MAGED1: variants seen among roughly 807,000 people sequenced by gnomAD.
MAGED1 encodes the protein MAGE family member D1, also known as melanoma-associated antigen D1.
In MAGED1, 3 loss-of-function variants were observed where a neutral mutation model predicts 54.1. That is an observed-to-expected ratio of 0.06 (90% CI 0.03 to 0.14). The LOEUF (loss-of-function observed/expected upper bound fraction) is 0.14, where lower values mean the gene tolerates loss of function less well. MAGED1 is among the 10% of genes least tolerant of loss of function. MAGED1 has a pLI of 1.00. For synonymous variants in MAGED1, 217 were observed against 227.3 expected, an observed-to-expected ratio of 0.95 and a Z score of 0.41; for missense variants, 485 against 623.4, an observed-to-expected ratio of 0.78 and a Z score of 2.36.
intron 1 of MAGED1, among the ~76,000 whole-genome samples, chrX:51,841,275 T>C (rs1557358529): frequency 9.0e-6 from 1 of 111,006 alleles, no homozygotes; most frequent in African/African-American, 3.3e-5. Context: ...CACTTTTTGA[T>C]GGGGTTGTTT....
At chrX:51,848,926 G>T (rs1926783761) in intron 1 of MAGED1, among the ~76,000 whole-genome samples, 1 of 102,238 alleles carries the variant, frequency 9.8e-6, no homozygotes, top group Non-Finnish European at 2.0e-5. Context: ...TGCTTCCAGT[G>T]GGATTAAGAT....
At chrX:51,889,485 G>A (rs1557363124), upstream of MAGED1, among the ~76,000 whole-genome samples, 2 of 107,789 alleles carry the variant, frequency 1.9e-5, no homozygotes, top group South Asian at 4.3e-4. Context: ...AAAATTATCC[G>A]GGCGTGGTGG....
At chrX:51,841,823 G>T (rs969552756) in intron 1 of MAGED1, among the ~76,000 whole-genome samples, 2 of 112,150 alleles carry the variant, frequency 1.8e-5, no homozygotes, top group Admixed American at 1.9e-4. Flanking sequence ...GTACCGTGCT[G>T]TTTTGGTTAC....
At chrX:51,857,936 A>G (rs1557360344) in intron 1 of MAGED1, 2 of 112,688 alleles carry the variant, frequency 1.8e-5, no homozygotes, top group Admixed American at 1.9e-4. Flanking sequence ...AAGGCCTTCA[A>G]TCTGAAGTTT....
intron 10 of MAGED1, chrX:51,899,567 C>T (rs1557364686): frequency 1.8e-5 from 2 of 111,190 alleles, no homozygotes. Context: ...CTCAGCCTCC[C>T]GAGTAACTGG....
At chrX:51,804,032 A>G (rs1924950158) in intron 1 of MAGED1, among the ~76,000 whole-genome samples, 2 of 112,092 alleles carry the variant, frequency 1.8e-5, no homozygotes, top group African/African-American at 6.5e-5. Flanking sequence ...TCTGATAGCA[A>G]CATTAAACAG....
At position 51,833,830 on chromosome X, in the gene MAGED1, C is replaced by T. The variant is rs181049896; in HGVS notation, c.-37+30713C>T. 1.6e-4 allele frequency among the ~76,000 whole-genome samples: 18 copies of T among 111,863 alleles called. No homozygotes were observed. The East Asian group carries it at 4.8e-3, about 30-fold the overall frequency. ...GAACACTTTTGCATTTATTGCCTAA[C>T]TCAATACATTTAGAAAATCGCAATG... On this transcript the variant is annotated intron_variant, in intron 1 of 12. Transcript: ENST00000375772.
intron 1 of MAGED1, among the ~76,000 whole-genome samples, chrX:51,872,400 C>T (rs1477329675): frequency 8.9e-6 from 1 of 111,858 alleles, no homozygotes; most frequent in African/African-American, 3.3e-5. Context: ...ATTATCTATG[C>T]CAGGCTTTCC....
At chrX:51,805,992 T>TTTA (rs1925017759) in intron 1 of MAGED1, among the ~76,000 whole-genome samples, 2 of 55,868 alleles carry the variant, frequency 3.6e-5, no homozygotes, top group African/African-American at 6.4e-5. Context: ...TTTTTTTTTT[T>TTTA]TGATGGAGTC....
intron 1 of MAGED1, among the ~76,000 whole-genome samples, chrX:51,886,363 C>CAT (rs1455783305): frequency 1.5e-4 from 17 of 110,988 alleles, no homozygotes; most frequent in African/African-American, 5.3e-4. Flanking sequence ...TATACAAGAT[C>CAT]ATACCCTGAT....
intron 11 of MAGED1, among the ~76,000 whole-genome samples, chrX:51,901,048 C>A (rs1928999294): frequency 8.9e-6 from 1 of 112,386 alleles, no homozygotes; most frequent in Admixed American, 9.4e-5. Flanking sequence ...GTTAACTCTC[C>A]ATAGCCTCAT....
At chrX:51,887,050 T>A (rs1240984441) in intron 1 of MAGED1, among the ~76,000 whole-genome samples, 1 of 99,024 alleles carries the variant, frequency 1.0e-5, no homozygotes, top group African/African-American at 3.8e-5. Context: ...AACAAGGCCC[T>A]GTCTCAAAAC....
Position 51,902,253 on chromosome X carries a change from T to C in MAGED1, c.*116T>C. 1 of 200,657 alleles carries C rather than the reference T, an allele frequency of 5.0e-6. No homozygotes were observed. Among genetic ancestry groups the C allele is most frequent in the Non-Finnish European group, 9.1e-6 (1 of 109,540 alleles). The allele number at this position is 200,657 out of a possible 1,213,427, so 16.5% of individuals were successfully genotyped here. A position where few individuals can be genotyped will look rare whatever the true frequency, so the allele number is the denominator to read the frequency against. Reference sequence around the variant, plus strand: ...CACATCCTGTTGACTGAAAGTGGCATGCAAGATAAATTTATTTGCTGTTCC... The same window carrying C: ...CACATCCTGTTGACTGAAAGTGGCACGCAAGATAAATTTATTTGCTGTTCC... On this transcript the variant is annotated 3_prime_UTR_variant, in exon 13 of 13. Coordinates refer to ENST00000326587, the MANE Select transcript of MAGED1 (RefSeq NM_006986.4).
Position 51,860,853 on chromosome X carries a change from T to TA in MAGED1, c.-36-33415dup, listed in dbSNP as rs782763600. On this transcript the variant is annotated intron_variant, in intron 1 of 12. Transcript: ENST00000375772. ...AAGGTAGGAGGGGGACCAGAGGAGA[T>TA]ACAGCATTCTTGTTCTGCCCTCTTG... 6.7e-4 allele frequency among the ~76,000 whole-genome samples: 74 copies of TA among 110,779 alleles called. 1 individual carries two copies. In the Middle Eastern group the frequency reaches 0.014, roughly 21 times the overall value.
intron 1 of MAGED1, among the ~76,000 whole-genome samples, chrX:51,830,378 A>T (rs1436949025): frequency 9.0e-6 from 1 of 111,141 alleles, no homozygotes; most frequent in Non-Finnish European, 1.9e-5. Flanking sequence ...AGAGTACTTC[A>T]TCTTTATCTA....
chrX:51,845,399 G>A (rs1926648827), intron 1 of MAGED1, among the ~76,000 whole-genome samples: 1 of 112,550 alleles, frequency 8.9e-6, no homozygotes, highest in South Asian at 3.7e-4. Flanking sequence ...TAGGCCTTTA[G>A]CCTAATGGAG....
intron 1 of MAGED1, among the ~76,000 whole-genome samples, chrX:51,887,352 T>C (rs1309530047): frequency 9.0e-6 from 1 of 111,275 alleles, no homozygotes; most frequent in South Asian, 3.7e-4. Context: ...TCCCAAAATA[T>C]ATGGAAAGAC....
chrX:51,900,078 G>T, intron 10 of MAGED1, 104 bp from the exon 11 acceptor site: 1 of 526,480 alleles, frequency 1.9e-6, no homozygotes, highest in South Asian at 2.6e-5. Context: ...AGCCCAAGGG[G>T]GAGTTGCTAT....
rs782772254 is a variant in MAGED1 at position 51,897,267 on chromosome X, C to T, written c.1482C>T (p.Arg494=). 1 of 1,208,873 alleles carries T rather than the reference C, an allele frequency of 8.3e-7. No individual in the cohort carries two copies. Among genetic ancestry groups the T allele is most frequent in the Non-Finnish European group, 1.1e-6 (1 of 893,602 alleles). Residue 494 remains arginine, a synonymous_variant, in exon 5 of 13, where the codon CGC becomes CGT. Coordinates refer to ENST00000326587, the MANE Select transcript of MAGED1 (RefSeq NM_006986.4). ...ACTACACAAAGGTGCCCATCAAGCG[C>T]TCAGGTATGCATCCAGTGTCCCCTC... ...LKDYTKVPIK[R]SEMLRDIIRE... is the part of the protein sequence containing the mutation.
Sources: allele counts gnomAD v4.1 joint callset (sites outside exome capture counted in the v4.1 genomes callset), GRCh38; gene constraint gnomAD v4.1.1; transcripts MANE v1.5; gene names NCBI Gene and HGNC (gene_info 2026-07-23, HGNC 2026-07-21).